KSR2: variants seen among roughly 807,000 people sequenced by gnomAD.
KSR2 encodes kinase suppressor of ras 2.
A neutral mutation model predicts 107.8 loss-of-function variants in KSR2; 25 were observed. That is an observed-to-expected ratio of 0.23 (90% CI 0.17 to 0.32). KSR2 has a LOEUF of 0.32. Among genes scored for constraint, KSR2 ranks in the 10% least tolerant of loss-of-function variants. The pLI, the probability that KSR2 is intolerant of heterozygous loss-of-function variation, is 1.00. For missense variants in KSR2, 887 were observed against 1,268.9 expected (o/e 0.70, Z 4.57); for synonymous variants, 480 against 507.0 (o/e 0.95, Z 0.71).
In KSR2 at chr12:117,539,903, A is replaced by G; in HGVS notation, c.1519-16T>C. The G allele has an allele frequency of 6.3e-7, 1 of 1,588,020 alleles. No individual in the cohort carries two copies. Among genetic ancestry groups the G allele is most frequent in the Non-Finnish European group, 8.5e-7 (1 of 1,170,428 alleles). ...GGATGTGGTCCTGCAGAGAGAAAAC[A>G]GGGTAGGAGTCAGGGACAGGCAGGG... On this transcript the variant is annotated splice_polypyrimidine_tract_variant and intron_variant, in intron 9 of 19. Coordinates refer to ENST00000339824, the MANE Select transcript of KSR2 (RefSeq NM_173598.6).
At chr12:117,947,227 A>C (rs1896221320) in intron 1 of KSR2, among the ~76,000 whole-genome samples, 1 of 118,902 alleles carries the variant, frequency 8.4e-6, no homozygotes, top group Admixed American at 8.2e-5. Flanking sequence ...GAAAGAAAGA[A>C]AGAAAGAAAG....
At chr12:117,494,314 A>G (rs55974696) in intron 14 of KSR2, among the ~76,000 whole-genome samples, 20,745 of 152,174 alleles carry the variant, frequency 0.14, 2,639 homozygotes, top group African/African-American at 0.34. Flanking sequence ...CCTAGACCCC[A>G]TAGGTGTTTA....
At chr12:117,887,688 C>T (rs1436887747) in intron 1 of KSR2, among the ~76,000 whole-genome samples, 1 of 152,192 alleles carries the variant, frequency 6.6e-6, no homozygotes, top group Non-Finnish European at 1.5e-5. Flanking sequence ...CACTCAGTGG[C>T]TCATCAGCAG....
chr12:117,828,984 C>T (rs1454391694), intron 3 of KSR2, among the ~76,000 whole-genome samples: 2 of 152,196 alleles, frequency 1.3e-5, no homozygotes, highest in Non-Finnish European at 2.9e-5. Context: ...GGTCGGCCAG[C>T]TTCAAAGCTA....
chr12:117,552,011 AAAG>A (rs1448657650), intron 9 of KSR2, among the ~76,000 whole-genome samples: 1 of 152,184 alleles, frequency 6.6e-6, no homozygotes, highest in Non-Finnish European at 1.5e-5. Context: ...GTCACAAAGG[AAAG>A]AATGGGTTCT....
chr12:117,810,527 G>A (rs150849102), intron 3 of KSR2, among the ~76,000 whole-genome samples: 1 of 152,220 alleles, frequency 6.6e-6, no homozygotes, highest in Non-Finnish European at 1.5e-5. Flanking sequence ...TGCCCAGACT[G>A]GTCTCAAACC....
chr12:117,655,500 C>G (rs943816544), intron 5 of KSR2, among the ~76,000 whole-genome samples: 1 of 152,182 alleles, frequency 6.6e-6, no homozygotes, highest in African/African-American at 2.4e-5. Context: ...ATATATGGTA[C>G]TCTTTCTCCC....
intron 14 of KSR2, among the ~76,000 whole-genome samples, chr12:117,519,801 T>C (rs1874628380): frequency 6.6e-6 from 1 of 152,022 alleles, no homozygotes; most frequent in South Asian, 2.1e-4. Flanking sequence ...TGTGTGCACG[T>C]GTGTGTGTGC....
chr12:117,856,615 T>C (rs1296562823), intron 2 of KSR2, among the ~76,000 whole-genome samples: 1 of 152,152 alleles, frequency 6.6e-6, no homozygotes, highest in Non-Finnish European at 1.5e-5. Flanking sequence ...TAGCTAGGAT[T>C]ACAGCCACTC....
rs560976841 is a variant in KSR2 at position 117,825,001 on chromosome 12, G to A, written c.472+30427C>T. Among the ~76,000 whole-genome samples the A allele has an allele frequency of 3.9e-5, 6 of 152,026 alleles. No homozygotes were observed. The East Asian group carries it at 5.8e-4, about 15-fold the overall frequency. On this transcript the variant is annotated intron_variant, in intron 3 of 19. Coordinates refer to ENST00000339824, the MANE Select transcript of KSR2 (RefSeq NM_173598.6). ...CTGAGACCAGCCTGGCCAACATAGC[G>A]AAACCCTGTCTCTAGTAAAAATACA...
At position 117,746,162 on chromosome 12, in the gene KSR2, C is replaced by T. The variant is rs144133427; in HGVS notation, c.986+14849G>A. 5.6e-3 allele frequency among the ~76,000 whole-genome samples: 847 copies of T among 152,174 alleles called. 15 individuals carry two copies. Among genetic ancestry groups the T allele is most frequent in the East Asian group, 0.045 (235 of 5,168 alleles). The stretch of plus-strand genomic sequence containing the variant: ...AAAAAGAACTAAGCTGGAGGCATCA[C>T]GCTACCTGACTTCAAACTATACTAC... On this transcript the variant is annotated intron_variant, in intron 4 of 19. Transcript: ENST00000339824.
intron 5 of KSR2, among the ~76,000 whole-genome samples, chr12:117,589,062 C>A (rs981304456): frequency 1.3e-4 from 20 of 152,176 alleles, no homozygotes; most frequent in African/African-American, 4.8e-4. Flanking sequence ...CACCAAATAT[C>A]ATGAACTCTA....
chr12:117,660,760 GA>G (rs1397020982), intron 5 of KSR2, among the ~76,000 whole-genome samples: 16 of 151,914 alleles, frequency 1.1e-4, no homozygotes, highest in Middle Eastern at 3.2e-3. Context: ...ATATTTAATA[GA>G]TACATCTGCA....
At chr12:117,806,599 T>C (rs1054194505) in intron 3 of KSR2, among the ~76,000 whole-genome samples, 37 of 152,178 alleles carry the variant, frequency 2.4e-4, no homozygotes, top group African/African-American at 8.7e-4. Context: ...CCACCACCTC[T>C]ATCTACTTAA....
intron 1 of KSR2, among the ~76,000 whole-genome samples, chr12:117,952,806 A>G (rs904393800): frequency 6.6e-6 from 1 of 152,006 alleles, no homozygotes; most frequent in African/African-American, 2.4e-5. Flanking sequence ...CAACATGGTG[A>G]AACCCCCATC....
At chr12:117,799,830 G>T (rs899853843) in intron 3 of KSR2, among the ~76,000 whole-genome samples, 7 of 152,192 alleles carry the variant, frequency 4.6e-5, no homozygotes, top group African/African-American at 1.4e-4. Context: ...AGTGATGATT[G>T]TTGAGACTCT....
intron 4 of KSR2, among the ~76,000 whole-genome samples, chr12:117,755,341 C>T (rs1888750540): frequency 6.6e-6 from 1 of 152,240 alleles, no homozygotes; most frequent in Non-Finnish European, 1.5e-5. Context: ...CCTCTCGCTG[C>T]CACGTTTCCA....
intron 3 of KSR2, among the ~76,000 whole-genome samples, chr12:117,810,158 T>C (rs1219098173): frequency 6.6e-6 from 1 of 152,178 alleles, no homozygotes; most frequent in Non-Finnish European, 1.5e-5. Flanking sequence ...TTTTGTCTTT[T>C]GTTTTGTTTG....
chr12:117,598,808 C>A (rs1880785231), intron 5 of KSR2, among the ~76,000 whole-genome samples: 1 of 148,936 alleles, frequency 6.7e-6, no homozygotes, highest in Admixed American at 6.7e-5. Flanking sequence ...TTGCTACTTT[C>A]TTTTCAGGAA....
Sources: gnomAD v4.1 joint callset for allele counts (sites outside exome capture counted in the v4.1 genomes callset) on GRCh38, gnomAD v4.1.1 for gene constraint, MANE v1.5 for transcripts, NCBI Gene and HGNC (gene_info 2026-07-23, HGNC 2026-07-21) for gene names.